SORBS3: variants seen among roughly 807,000 people sequenced by gnomAD.
SORBS3 encodes the protein sorbin and SH3 domain containing 3.
In SORBS3, 69 loss-of-function variants were observed where a neutral mutation model predicts 98.0. That is an observed-to-expected ratio of 0.70 (90% CI 0.58 to 0.86). The LOEUF is 0.86. SORBS3 is among the 40% of genes least tolerant of loss of function. SORBS3 has a pLI of 0.00. For missense variants in SORBS3, 954 were observed against 908.5 expected, an observed-to-expected ratio of 1.05 and a Z score of -0.64; for synonymous variants, 394 against 355.4, an observed-to-expected ratio of 1.11 and a Z score of -1.22.
chr8:22,569,247 C>G lies in SORBS3; in HGVS notation c.1405C>G (p.Leu469Val). Residue 469 changes from leucine to valine, a missense_variant, in exon 17 of 21, where the codon CTG becomes GTG. Leu to Val is a conservative substitution (Grantham distance 32). Coordinates refer to ENST00000240123, the MANE Select transcript of SORBS3 (RefSeq NM_005775.5). ...AVAQYTFKGD[L>V]EVELSFRKGE... The stretch of plus-strand genomic sequence containing the variant: ...GGCCCAGTACACCTTCAAGGGGGAC[C>G]TGGAGGTGGAGCTGTCCTTCCGCAA... 2 of 1,601,756 alleles carry G rather than the reference C, an allele frequency of 1.2e-6. No homozygotes were observed. The highest frequency in any genetic ancestry group is 1.7e-6 in the Non-Finnish European group (2 of 1,173,938).
intron 16 of SORBS3, among the ~76,000 whole-genome samples, chr8:22,568,109 C>T (rs1202451414): frequency 6.6e-6 from 1 of 152,162 alleles, no homozygotes; most frequent in East Asian, 1.9e-4. Context: ...GCCTCAGCCT[C>T]CCAAAGTGCT....
intron 5 of SORBS3, chr8:22,560,832 CGT>C (rs56159823): frequency 0.091 from 12,269 of 134,872 alleles, 593 homozygotes; most frequent in Non-Finnish European, 0.11. Context: ...GCAGCGCATG[CGT>C]GTGTGTGTGT....
intron 20 of SORBS3, chr8:22,573,517 G>A (rs1386211823): frequency 2.3e-6 from 1 of 430,330 alleles, no homozygotes; most frequent in Non-Finnish European, 4.7e-6. Flanking sequence ...CACATCTCAA[G>A]TGCCCAACAG....
upstream of SORBS3, chr8:22,551,920 C>T: frequency 6.1e-6 from 6 of 985,386 alleles, no homozygotes; most frequent in South Asian, 2.8e-4. This position sits in a 1 kb window ranked among gnomAD's most constrained non-coding sequence, Gnocchi z 5.8. Flanking sequence ...CCGCGCTTCT[C>T]CTTGCCCTTC....
Position 22,554,204 on chromosome 8 carries a change from CCACT to C in SORBS3, c.-55-246_-55-243del. 1 of 274,520 alleles carries C rather than the reference CCACT, an allele frequency of 3.6e-6. No homozygotes were observed. The highest frequency in any genetic ancestry group is 6.9e-6 in the Non-Finnish European group (1 of 144,070). The allele number at this position is 274,520 out of a possible 1,614,324, so 17.0% of individuals were successfully genotyped here. A position where few individuals can be genotyped will look rare whatever the true frequency, so the allele number is the denominator to read the frequency against. On this transcript the variant is annotated intron_variant, in intron 1 of 20. Coordinates refer to ENST00000240123, the MANE Select transcript of SORBS3 (RefSeq NM_005775.5). This position sits in a 1 kb window ranked among gnomAD's most constrained non-coding sequence, Gnocchi z 6.5. ...CCTCCTCACCCAAGCTCCCCCTCCC[CCACT>C]CCCACCCGGAGCTCCTGCCCTGGGC...
intron 7 of SORBS3, 49 bp downstream of exon 7, chr8:22,561,980 G>C: frequency 6.4e-7 from 1 of 1,571,774 alleles, no homozygotes; most frequent in African/African-American, 1.3e-5. Flanking sequence ...CGCGGCCCGC[G>C]AGACACCATG....
At chr8:22,565,790 G>C (rs1411381126) in intron 11 of SORBS3, 36 bp from the exon 12 acceptor site, 2 of 1,318,628 alleles carry the variant, frequency 1.5e-6, no homozygotes, top group South Asian at 2.0e-5. Context: ...TGGGTCCCGG[G>C]GTCGCGGGCC....
intron 1 of SORBS3, 150 bp downstream of exon 1, chr8:22,552,172 GA>G: frequency 1.5e-6 from 1 of 688,354 alleles, no homozygotes; most frequent in Non-Finnish European, 1.8e-6. Context: ...CAGAAAAAGC[GA>G]AATTCAAGAA....
chr8:22,558,016 A>G, intron 4 of SORBS3, 113 bp from the exon 5 acceptor site: 2 of 939,186 alleles, frequency 2.1e-6, no homozygotes, highest in Non-Finnish European at 3.5e-6. Context: ...CAGCCCACCT[A>G]TGGGGGGTTC....
At chr8:22,558,219 C>G in intron 5 of SORBS3, 27 bp downstream of exon 5, 4 of 1,610,616 alleles carry the variant, frequency 2.5e-6, no homozygotes, top group Middle Eastern at 1.7e-4. Context: ...GGGCCCTCTC[C>G]CTGCCAAAGT....
chr8:22,564,703 CAT>C (rs751459605), intron 10 of SORBS3, 182 bp downstream of exon 10: 12 of 1,401,456 alleles, frequency 8.6e-6, no homozygotes, highest in African/African-American at 5.8e-5. Context: ...GCTCAGTAAA[CAT>C]GTGTTAAATA....
intron 17 of SORBS3, 152 bp from the exon 18 acceptor site, chr8:22,570,758 T>C (rs1840553626): frequency 1.5e-6 from 1 of 673,080 alleles, no homozygotes; most frequent in African/African-American, 1.8e-5. Flanking sequence ...GCTCCTGCTC[T>C]TACCGTGTGA....
upstream of SORBS3, chr8:22,550,000 GAGA>G (rs1217192087): frequency 3.0e-6 from 3 of 985,440 alleles, no homozygotes; most frequent in Middle Eastern, 5.2e-4. Flanking sequence ...ACCATCTTGG[GAGA>G]AGAAGGAAGA....
At chr8:22,560,872 T>TGCGCGCGCGCGCGC (rs1289668038) in intron 5 of SORBS3, 1 of 84,334 alleles carries the variant, frequency 1.2e-5, no homozygotes, top group African/African-American at 4.3e-5. Context: ...TGTGTGTGTG[T>TGCGCGCGCGCGCGC]GCGCGCGCGC....
At chr8:22,552,705 G>T (rs1840106777) in intron 1 of SORBS3, among the ~76,000 whole-genome samples, 1 of 152,202 alleles carries the variant, frequency 6.6e-6, no homozygotes, top group Non-Finnish European at 1.5e-5. Flanking sequence ...GGCCCAGGCG[G>T]CAGCTGCTGA....
At chr8:22,557,489 C>T (rs573178361) in intron 4 of SORBS3, among the ~76,000 whole-genome samples, 9 of 152,194 alleles carry the variant, frequency 5.9e-5, no homozygotes, top group Admixed American at 3.9e-4. Context: ...ATGTGAAACA[C>T]GCATCTCACT....
intron 17 of SORBS3, among the ~76,000 whole-genome samples, chr8:22,569,894 A>G (rs996051514): frequency 1.3e-5 from 2 of 151,990 alleles, no homozygotes; most frequent in African/African-American, 4.8e-5. Flanking sequence ...TTACATATAT[A>G]TTTTTTCAAC....
At chr8:22,551,512 G>A (rs538961352), upstream of SORBS3, among the ~76,000 whole-genome samples, 4 of 152,222 alleles carry the variant, frequency 2.6e-5, no homozygotes, top group Admixed American at 2.6e-4. The surrounding 1 kb of genome is among the most constrained non-coding windows in gnomAD (Gnocchi z 5.8). Flanking sequence ...CTCTGGAAAT[G>A]TCGCTGGAAA....
At chr8:22,557,956 G>A (rs566914512) in intron 4 of SORBS3, among the ~76,000 whole-genome samples, 173 bp from the exon 5 acceptor site, 3 of 152,322 alleles carry the variant, frequency 2.0e-5, no homozygotes, top group East Asian at 3.9e-4. Flanking sequence ...TATATAGGAC[G>A]TGTTACATGA....
Sources: gnomAD v4.1 joint callset for allele counts (sites outside exome capture counted in the v4.1 genomes callset) on GRCh38, gnomAD v4.1.1 for gene constraint, Gnocchi (gnomAD v3.1) non-coding constraint, MANE v1.5 for transcripts, NCBI Gene and HGNC (gene_info 2026-07-23, HGNC 2026-07-21) for gene names.